GALNT17: variants seen among roughly 807,000 people sequenced by gnomAD.
GALNT17 encodes UDP-GalNAc:polypeptide N-acetylgalactosaminyltransferase-like 3.
Under a neutral mutation model 63.7 loss-of-function variants are expected in GALNT17, and 29 were observed. That is an observed-to-expected ratio of 0.46 (90% CI 0.34 to 0.62). The LOEUF (loss-of-function observed/expected upper bound fraction) is 0.62. Ranked by LOEUF, GALNT17 falls within the 20% of genes least tolerant of loss-of-function variation. GALNT17 has a pLI of 0.01. For missense variants in GALNT17, 603 were observed against 799.6 expected, an observed-to-expected ratio of 0.75 and a Z score of 2.97; for synonymous variants, 305 against 318.3, an observed-to-expected ratio of 0.96 and a Z score of 0.45.
At chr7:71,387,585 C>A (rs575824092) in intron 2 of GALNT17, among the ~76,000 whole-genome samples, 2 of 152,130 alleles carry the variant, frequency 1.3e-5, no homozygotes, top group Admixed American at 6.5e-5. Flanking sequence ...GTCGGCCTCC[C>A]AAATTGCTGA....
chr7:71,410,783 G>A (rs1793415692), intron 3 of GALNT17, among the ~76,000 whole-genome samples: 1 of 152,114 alleles, frequency 6.6e-6, no homozygotes, highest in Admixed American at 6.5e-5. Context: ...TTGTTTTATT[G>A]TTAAGGAGCA....
At chr7:71,324,463 C>A (rs931026154) in intron 1 of GALNT17, among the ~76,000 whole-genome samples, 10 of 152,110 alleles carry the variant, frequency 6.6e-5, no homozygotes, top group African/African-American at 2.4e-4. Context: ...CTAGCCTGAG[C>A]AACATGTCTT....
intron 9 of GALNT17, among the ~76,000 whole-genome samples, chr7:71,707,781 A>G (rs969988286): frequency 6.6e-6 from 1 of 152,318 alleles, no homozygotes; most frequent in East Asian, 1.9e-4. Context: ...TTACTGTTCC[A>G]AGAGACTGAA....
rs543418129 is a variant in GALNT17 at position 71,687,747 on chromosome 7, T to C, written c.1500+10441T>C. 3.3e-5 allele frequency among the ~76,000 whole-genome samples: 5 copies of C among 152,320 alleles called. No homozygotes were observed. The East Asian group carries it at 9.6e-4, about 29-fold the overall frequency. ...TTTAAAAATTTTTTTATTAATTAAC[T>C]ATATATTTCATGACAAGGTCTTGCT... On this transcript the variant is annotated intron_variant, in intron 9 of 10. Transcript: ENST00000333538.
At chr7:71,565,969 G>A (rs10225562) in intron 5 of GALNT17, among the ~76,000 whole-genome samples, 76,904 of 150,888 alleles carry the variant, frequency 0.51, 20,230 homozygotes, top group African/African-American at 0.63. Flanking sequence ...TCAGCCTCCC[G>A]AGTAGCTAGG....
chr7:71,168,795 T>C (rs1788493859), intron 1 of GALNT17, among the ~76,000 whole-genome samples: 3 of 152,222 alleles, frequency 2.0e-5, no homozygotes, highest in Non-Finnish European at 2.9e-5. Context: ...TTAATAACTT[T>C]TTTAAAAAGT....
chr7:71,527,322 AC>A (rs1788640634), intron 5 of GALNT17, among the ~76,000 whole-genome samples: 1 of 152,236 alleles, frequency 6.6e-6, no homozygotes, highest in South Asian at 2.1e-4. Flanking sequence ...AAAAATTAGG[AC>A]AAAGTCATTG....
intron 1 of GALNT17, among the ~76,000 whole-genome samples, chr7:71,250,383 AG>A (rs1459080416): frequency 6.6e-6 from 1 of 152,114 alleles, no homozygotes; most frequent in Non-Finnish European, 1.5e-5. Flanking sequence ...GGGTATTTCC[AG>A]GGGATTTAGG....
At chr7:71,184,205 T>A (rs557379318) in intron 1 of GALNT17, among the ~76,000 whole-genome samples, 1 of 152,144 alleles carries the variant, frequency 6.6e-6, no homozygotes, top group South Asian at 2.1e-4. Context: ...CGCTGACACC[T>A]TCATCTCGGA....
intron 1 of GALNT17, among the ~76,000 whole-genome samples, chr7:71,279,884 G>T (rs1790748769): frequency 6.6e-6 from 1 of 151,562 alleles, no homozygotes; most frequent in Non-Finnish European, 1.5e-5. Context: ...TCTTGATGGT[G>T]GTGTCTTCAT....
At position 71,624,058 on chromosome 7, in the gene GALNT17, G is replaced by A. The variant is rs1019068043; in HGVS notation, c.1081-41353G>A. On this transcript the variant is annotated intron_variant, in intron 6 of 10. Coordinates refer to ENST00000333538, the MANE Select transcript of GALNT17 (RefSeq NM_022479.3). The stretch of plus-strand genomic sequence containing the variant: ...CTGGACAAGAGACACAGACACCCAG[G>A]GCTCTGTTTTATGGCTTTGCGATGT... 2.6e-5 allele frequency among the ~76,000 whole-genome samples: 4 copies of A among 152,276 alleles called. No individual in the cohort carries two copies. The South Asian group carries it at 8.3e-4, about 32-fold the overall frequency.
At chr7:71,455,003 C>CA (rs1289400993) in intron 5 of GALNT17, among the ~76,000 whole-genome samples, 1 of 151,516 alleles carries the variant, frequency 6.6e-6, no homozygotes, top group Non-Finnish European at 1.5e-5. Context: ...CCCATTTCTA[C>CA]AAAAAAATAC....
At chr7:71,281,818 A>G (rs1201762407) in intron 1 of GALNT17, among the ~76,000 whole-genome samples, 2 of 152,190 alleles carry the variant, frequency 1.3e-5, no homozygotes, top group Non-Finnish European at 2.9e-5. Context: ...GGAACAATTT[A>G]TGGTTTTCTA....
At chr7:71,152,958 A>G (rs1788160972) in intron 1 of GALNT17, among the ~76,000 whole-genome samples, 1 of 152,138 alleles carries the variant, frequency 6.6e-6, no homozygotes, top group African/African-American at 2.4e-5. Flanking sequence ...GTAAGTTCAC[A>G]GGTATTTCTC....
intron 1 of GALNT17, among the ~76,000 whole-genome samples, chr7:71,287,476 A>C (rs1790895751): frequency 6.6e-6 from 1 of 152,004 alleles, no homozygotes; most frequent in East Asian, 1.9e-4. Flanking sequence ...CTCATAGCCA[A>C]ATAGGAGTAA....
intron 1 of GALNT17, among the ~76,000 whole-genome samples, chr7:71,236,223 A>G (rs1484029404): frequency 2.6e-5 from 4 of 152,010 alleles, no homozygotes; most frequent in Non-Finnish European, 5.9e-5. Context: ...CTACTCTCTT[A>G]GGAAAAGAGC....
chr7:71,602,780 C>G (rs759372023), intron 6 of GALNT17, among the ~76,000 whole-genome samples: 13 of 152,136 alleles, frequency 8.5e-5, no homozygotes, highest in Non-Finnish European at 1.8e-4. Context: ...GGCTTAAACT[C>G]CTCCAGTGAC....
intron 1 of GALNT17, among the ~76,000 whole-genome samples, chr7:71,206,334 G>C (rs975105923): frequency 6.6e-6 from 1 of 151,928 alleles, no homozygotes; most frequent in Non-Finnish European, 1.5e-5. Flanking sequence ...TCTGACAGCA[G>C]TGGTGATGAA....
At chr7:71,309,705 A>G (rs1480385960) in intron 1 of GALNT17, among the ~76,000 whole-genome samples, 1 of 152,142 alleles carries the variant, frequency 6.6e-6, no homozygotes, top group African/African-American at 2.4e-5. Context: ...GAATTCCCAT[A>G]ATAAAGGGTG....
Sources: allele counts gnomAD v4.1 joint callset (sites outside exome capture counted in the v4.1 genomes callset), GRCh38; gene constraint gnomAD v4.1.1; transcripts MANE v1.5; gene names NCBI Gene and HGNC (gene_info 2026-07-23, HGNC 2026-07-21).